The following SEMA3E variants were observed in gnomAD, a reference collection of about 807,000 sequenced individuals.
The protein encoded by SEMA3E is semaphorin 3E.
Under a neutral mutation model 93.6 loss-of-function variants are expected in SEMA3E, and 49 were observed. The observed-to-expected ratio is 0.52, with a 90% CI of 0.42 to 0.66. SEMA3E has a LOEUF of 0.66. Among genes scored for constraint, SEMA3E ranks in the 30% least tolerant of loss-of-function variants. The probability of loss-of-function intolerance (pLI) is 0.00; values close to 1 mark genes in which losing one functional copy is unlikely to be tolerated. For synonymous variants in SEMA3E, 363 were observed against 330.7 expected (o/e 1.10, Z -1.06); for missense variants, 906 against 964.8 (o/e 0.94, Z 0.81).
chr7:83,389,823 T>C (rs1414091937), intron 14 of SEMA3E, among the ~76,000 whole-genome samples: 2 of 9,318 alleles, frequency 2.1e-4, no homozygotes, highest in African/African-American at 4.2e-4. Context: ...TGTATACATA[T>C]ATACACGTAT....
intron 4 of SEMA3E, among the ~76,000 whole-genome samples, chr7:83,454,075 G>A (rs1789423031): frequency 1.3e-5 from 2 of 150,944 alleles, no homozygotes. Context: ...TGGCTAACAC[G>A]GTGAAAACCC....
intron 1 of SEMA3E, among the ~76,000 whole-genome samples, chr7:83,569,960 C>A (rs1792239852): frequency 6.6e-6 from 1 of 152,120 alleles, no homozygotes; most frequent in African/African-American, 2.4e-5. Flanking sequence ...TAAGATCAAC[C>A]ACATTCTTGG....
intron 1 of SEMA3E, among the ~76,000 whole-genome samples, chr7:83,525,144 T>A (rs757687474): frequency 6.6e-6 from 1 of 152,118 alleles, no homozygotes; most frequent in Non-Finnish European, 1.5e-5. Flanking sequence ...AATACAGAAT[T>A]CTATATTGGA....
chr7:83,414,147 T>G (rs909160468), intron 5 of SEMA3E, among the ~76,000 whole-genome samples: 1 of 152,172 alleles, frequency 6.6e-6, no homozygotes, highest in Non-Finnish European at 1.5e-5. Flanking sequence ...GAAGTCTATG[T>G]TTCTATATAG....
chr7:83,534,847 G>A (rs1461842678), intron 1 of SEMA3E, among the ~76,000 whole-genome samples: 2 of 152,108 alleles, frequency 1.3e-5, no homozygotes, highest in Admixed American at 1.3e-4. Context: ...TAAGTTTTTT[G>A]CATTGGAGGT....
At chr7:83,388,613 C>T (rs1026724543) in intron 14 of SEMA3E, among the ~76,000 whole-genome samples, 1 of 151,970 alleles carries the variant, frequency 6.6e-6, no homozygotes, top group South Asian at 2.1e-4. Flanking sequence ...AGGGTGATAG[C>T]ATAGCTCCCA....
chr7:83,544,796 G>T, intron 1 of SEMA3E, among the ~76,000 whole-genome samples: 1 of 151,848 alleles, frequency 6.6e-6, no homozygotes, highest in African/African-American at 2.4e-5. Flanking sequence ...GTTTCATATT[G>T]TTTCCATCTC....
intron 1 of SEMA3E, among the ~76,000 whole-genome samples, chr7:83,627,926 T>G (rs1022417161): frequency 1.8e-4 from 27 of 152,158 alleles, no homozygotes; most frequent in Non-Finnish European, 2.9e-4. Context: ...GGTCTTTACA[T>G]TTTCATATGT....
At chr7:83,536,146 T>C (rs1018567414) in intron 1 of SEMA3E, among the ~76,000 whole-genome samples, 6 of 152,132 alleles carry the variant, frequency 3.9e-5, no homozygotes, top group South Asian at 2.1e-4. Context: ...ACAGTAAAAC[T>C]AAGATTAATT....
chr7:83,615,378 T>G (rs1332535083), intron 1 of SEMA3E, among the ~76,000 whole-genome samples: 1 of 151,956 alleles, frequency 6.6e-6, no homozygotes, highest in Non-Finnish European at 1.5e-5. Context: ...AGTGTGGGAC[T>G]GAGGGCCCTG....
At chr7:83,545,541 T>A (rs1482201348) in intron 1 of SEMA3E, among the ~76,000 whole-genome samples, 1 of 108,118 alleles carries the variant, frequency 9.2e-6, no homozygotes, top group Non-Finnish European at 1.8e-5. Context: ...TCAAAACTGT[T>A]GAAGAGAAAT....
chr7:83,567,611 A>G (rs1792189501), intron 1 of SEMA3E, among the ~76,000 whole-genome samples: 1 of 152,158 alleles, frequency 6.6e-6, no homozygotes. Context: ...AGAACTTTGC[A>G]AGTTTTACAA....
At chr7:83,528,670 A>G (rs1791220163) in intron 1 of SEMA3E, among the ~76,000 whole-genome samples, 1 of 152,100 alleles carries the variant, frequency 6.6e-6, no homozygotes, top group African/African-American at 2.4e-5. Flanking sequence ...TAATGTTTTC[A>G]ACATTTTAAC....
intron 14 of SEMA3E, 49 bp from the exon 15 acceptor site, chr7:83,387,099 A>G (rs1372322046): frequency 1.3e-6 from 2 of 1,527,620 alleles, no homozygotes; most frequent in Non-Finnish European, 1.8e-6. Context: ...AATTTTCCAG[A>G]CTTTAAAATG....
chr7:83,506,965 T>C (rs575185760), intron 1 of SEMA3E, among the ~76,000 whole-genome samples: 99 of 152,320 alleles, frequency 6.5e-4, no homozygotes, highest in African/African-American at 2.3e-3. Flanking sequence ...GTCACAAAAT[T>C]GAAGATCAGG....
At chr7:83,506,474 C>A (rs113585593) in intron 1 of SEMA3E, among the ~76,000 whole-genome samples, 1,586 of 151,102 alleles carry the variant, frequency 0.01, 25 homozygotes, top group African/African-American at 0.037. Flanking sequence ...AAAAGGGAAT[C>A]GGGGGCTTAT....
At chr7:83,609,007 G>T (rs1584361965) in intron 1 of SEMA3E, among the ~76,000 whole-genome samples, 1 of 152,202 alleles carries the variant, frequency 6.6e-6, no homozygotes, top group Admixed American at 6.6e-5. Context: ...ACAAGAAATT[G>T]TAGAGAAACT....
chr7:83,405,545 G>A (rs1788313287), intron 8 of SEMA3E, 26 bp from the exon 9 acceptor site: 5 of 1,594,436 alleles, frequency 3.1e-6, no homozygotes, highest in Middle Eastern at 1.7e-4. Flanking sequence ...CCATTCCATC[G>A]CTTAGTATTT....
intron 1 of SEMA3E, among the ~76,000 whole-genome samples, chr7:83,570,292 G>A (rs1344488788): frequency 5.3e-5 from 8 of 151,958 alleles, no homozygotes; most frequent in African/African-American, 1.5e-4. Flanking sequence ...GGTGGCTCAC[G>A]CCTGTAATCC....
Sources: gnomAD v4.1 joint callset for allele counts (sites outside exome capture counted in the v4.1 genomes callset) on GRCh38, gnomAD v4.1.1 for gene constraint, MANE v1.5 for transcripts, NCBI Gene and HGNC (gene_info 2026-07-23, HGNC 2026-07-21) for gene names.